The following ST6GALNAC3 variants were observed in gnomAD, a reference collection of about 807,000 sequenced individuals.
The protein encoded by ST6GALNAC3 is ST6 N-acetylgalactosaminide alpha-2,6-sialyltransferase 3, also known as alpha-N-acetylgalactosaminide alpha-2,6-sialyltransferase 3.
Under a neutral mutation model 32.7 loss-of-function variants are expected in ST6GALNAC3, and 25 were observed. The ratio of observed to expected loss-of-function variants is 0.76; its 90% CI spans 0.56 to 1.07. ST6GALNAC3 has a LOEUF of 1.07. Ranked by LOEUF, ST6GALNAC3 falls within the 50% of genes least tolerant of loss-of-function variation. ST6GALNAC3 has a pLI of 0.00. For synonymous variants in ST6GALNAC3, 129 were observed against 133.1 expected (o/e 0.97, Z 0.21); for missense variants, 355 against 382.4 (o/e 0.93, Z 0.60).
chr1:76,278,774 T>C lies in ST6GALNAC3; in HGVS notation c.19-35031T>C, dbSNP rs561675537. ...TTAGGTGTTATTTGTCCTATTTTCA[T>C]GACAAGGGAAACCAAGGTTTAGGAA... is the stretch of plus-strand genomic sequence containing the variant. On this transcript the variant is annotated intron_variant, in intron 1 of 4. Transcript: ENST00000328299. Among the ~76,000 whole-genome samples the C allele has an allele frequency of 1.9e-4, 29 of 152,174 alleles. 4 individuals carry two copies. The highest frequency in any genetic ancestry group is 1.4e-3 in the Admixed American group (22 of 15,278).
At chr1:76,537,151 G>A (rs1007317643) in intron 3 of ST6GALNAC3, among the ~76,000 whole-genome samples, 1 of 152,134 alleles carries the variant, frequency 6.6e-6, no homozygotes, top group African/African-American at 2.4e-5. Flanking sequence ...TCAGACCACA[G>A]TGCAATCAAA....
At chr1:76,587,305 G>T (rs1008500909) in intron 3 of ST6GALNAC3, among the ~76,000 whole-genome samples, 11 of 152,116 alleles carry the variant, frequency 7.2e-5, no homozygotes, top group Non-Finnish European at 1.5e-4. Flanking sequence ...TCTGAGTCCT[G>T]GTCAGTACAC....
chr1:76,134,856 T>A (rs1649837236), intron 1 of ST6GALNAC3, among the ~76,000 whole-genome samples: 2 of 152,198 alleles, frequency 1.3e-5, no homozygotes, highest in Non-Finnish European at 2.9e-5. Flanking sequence ...AAAGTAATAC[T>A]TTCTGGCCAG....
chr1:76,484,947 G>A (rs146501184), intron 3 of ST6GALNAC3, among the ~76,000 whole-genome samples: 2,236 of 152,138 alleles, frequency 0.015, 26 homozygotes, highest in Non-Finnish European at 0.02. Flanking sequence ...GTTGAATTTC[G>A]TCAAAGGCCT....
At chr1:76,080,228 C>G (rs775366188) in intron 1 of ST6GALNAC3, among the ~76,000 whole-genome samples, 2 of 152,172 alleles carry the variant, frequency 1.3e-5, no homozygotes, top group Non-Finnish European at 2.9e-5. Flanking sequence ...CTTGGTATTT[C>G]TAAGAACTAG....
chr1:76,092,056 A>G lies in ST6GALNAC3; in HGVS notation c.18+17172A>G, dbSNP rs547273282. Reference sequence around the variant, plus strand: ...GATCCTTCAGTTTTGACTGATGTCAACCTCCGTGCTCTTAACCCCAGCTCT... The same window carrying G: ...GATCCTTCAGTTTTGACTGATGTCAGCCTCCGTGCTCTTAACCCCAGCTCT... On this transcript the variant is annotated intron_variant, in intron 1 of 4. Transcript: ENST00000328299. Among the ~76,000 whole-genome samples the G allele has an allele frequency of 2.4e-4, 36 of 152,250 alleles. No individual in the cohort carries two copies. In the South Asian group the frequency reaches 5.8e-3, roughly 25 times the overall value.
At chr1:76,194,207 A>G (rs10493585) in intron 1 of ST6GALNAC3, among the ~76,000 whole-genome samples, 12,780 of 152,224 alleles carry the variant, frequency 0.084, 595 homozygotes, top group African/African-American at 0.12. Flanking sequence ...GTTCATAAAG[A>G]TATAAAGATC....
chr1:76,580,329 A>G (rs906004776), intron 3 of ST6GALNAC3, among the ~76,000 whole-genome samples: 1 of 152,122 alleles, frequency 6.6e-6, no homozygotes, highest in Non-Finnish European at 1.5e-5. Flanking sequence ...ATGGAATCCC[A>G]GGGATTTTGG....
chr1:76,139,587 A>T (rs1356479882), intron 1 of ST6GALNAC3, among the ~76,000 whole-genome samples: 1 of 152,226 alleles, frequency 6.6e-6, no homozygotes, highest in Non-Finnish European at 1.5e-5. Context: ...TGTCTGGGTG[A>T]CATAGATTCT....
downstream of ST6GALNAC3, chr1:76,636,866 G>A (rs539244027): frequency 1.1e-4 from 16 of 152,278 alleles, 1 homozygote; most frequent in South Asian, 3.1e-3. Flanking sequence ...AAGAGAATCT[G>A]CCAATGTTTA....
chr1:76,389,011 C>CTTTTTTTTT (rs138986165), intron 2 of ST6GALNAC3, among the ~76,000 whole-genome samples: 3,977 of 107,362 alleles, frequency 0.037, 468 homozygotes, highest in African/African-American at 0.082. Flanking sequence ...TGGTATATTT[C>CTTTTTTTTT]CTTTTTTTTT....
At chr1:76,259,524 C>T (rs900083795) in intron 1 of ST6GALNAC3, among the ~76,000 whole-genome samples, 1 of 152,184 alleles carries the variant, frequency 6.6e-6, no homozygotes, top group Non-Finnish European at 1.5e-5. Flanking sequence ...TCACCACCTC[C>T]ATCATCATCA....
At chr1:76,291,142 G>C (rs1660060192) in intron 1 of ST6GALNAC3, among the ~76,000 whole-genome samples, 1 of 152,220 alleles carries the variant, frequency 6.6e-6, no homozygotes, top group African/African-American at 2.4e-5. Flanking sequence ...AAAATAAAGT[G>C]GTTCCTGGGG....
intron 1 of ST6GALNAC3, among the ~76,000 whole-genome samples, chr1:76,269,467 A>C (rs1658716224): frequency 6.6e-6 from 1 of 152,222 alleles, no homozygotes; most frequent in African/African-American, 2.4e-5. Flanking sequence ...TTTTCAAGAG[A>C]AGTTAGAAAT....
chr1:76,558,580 G>A (rs1193595558), intron 3 of ST6GALNAC3, among the ~76,000 whole-genome samples: 1 of 152,044 alleles, frequency 6.6e-6, no homozygotes, highest in African/African-American at 2.4e-5. Flanking sequence ...TAGACACTGG[G>A]CACTGGGGAC....
chr1:76,512,352 T>A (rs1222984299), intron 3 of ST6GALNAC3, among the ~76,000 whole-genome samples: 1 of 152,206 alleles, frequency 6.6e-6, no homozygotes, highest in Non-Finnish European at 1.5e-5. Context: ...TATTTATGTG[T>A]TGTTTTTTGT....
At chr1:76,201,891 C>T (rs17098335) in intron 1 of ST6GALNAC3, among the ~76,000 whole-genome samples, 12,765 of 151,968 alleles carry the variant, frequency 0.084, 593 homozygotes, top group African/African-American at 0.12. Context: ...ACTAAGAACC[C>T]CTATGTACAC....
chr1:76,305,697 A>G (rs537873526), intron 1 of ST6GALNAC3, among the ~76,000 whole-genome samples: 6 of 152,096 alleles, frequency 3.9e-5, no homozygotes, highest in African/African-American at 1.4e-4. Context: ...TTTTTCTCTT[A>G]CTAGGAGAAT....
chr1:76,255,026 C>G (rs2100709229), intron 1 of ST6GALNAC3, among the ~76,000 whole-genome samples: 1 of 75,950 alleles, frequency 1.3e-5, no homozygotes, highest in East Asian at 6.4e-4. Context: ...AAATCTCTCT[C>G]TCTCTTTTTT....
Sources: gnomAD v4.1 joint callset for allele counts (sites outside exome capture counted in the v4.1 genomes callset) on GRCh38, gnomAD v4.1.1 for gene constraint, MANE v1.5 for transcripts, NCBI Gene and HGNC (gene_info 2026-07-23, HGNC 2026-07-21) for gene names.